The following FARP1 variants were observed in gnomAD, a reference collection of about 807,000 sequenced individuals.
FARP1 encodes FERM, ARH/RhoGEF and pleckstrin domain protein 1.
FARP1 carries 52 observed loss-of-function variants against 128.8 expected under a neutral mutation model. The ratio of observed to expected loss-of-function variants is 0.40; its 90% CI spans 0.32 to 0.51. The LOEUF (loss-of-function observed/expected upper bound fraction) is 0.51, where lower values mean the gene tolerates loss of function less well. Ranked by LOEUF, FARP1 falls within the 20% of genes least tolerant of loss-of-function variation. FARP1 has a pLI of 0.45. For missense variants in FARP1, 1,333 were observed against 1,367.9 expected, an observed-to-expected ratio of 0.97 and a Z score of 0.40; for synonymous variants, 580 against 551.8, an observed-to-expected ratio of 1.05 and a Z score of -0.72.
intron 1 of FARP1, among the ~76,000 whole-genome samples, chr13:98,152,299 C>T (rs1876071064): frequency 6.6e-6 from 1 of 152,206 alleles, no homozygotes; most frequent in Non-Finnish European, 1.5e-5. Flanking sequence ...CATACTCTCA[C>T]ACATTTGTTG....
chr13:98,362,919 G>A (rs916893287), intron 3 of FARP1, among the ~76,000 whole-genome samples: 2 of 152,164 alleles, frequency 1.3e-5, no homozygotes, highest in Non-Finnish European at 2.9e-5. Flanking sequence ...CATTCCACTG[G>A]TTGTTACGTC....
At chr13:98,268,417 C>T (rs748313769) in intron 2 of FARP1, among the ~76,000 whole-genome samples, 2 of 152,142 alleles carry the variant, frequency 1.3e-5, no homozygotes, top group Non-Finnish European at 2.9e-5. Context: ...CAGCAGAAAC[C>T]TCTTCCCACT....
At position 98,375,229 on chromosome 13, in the gene FARP1, C is replaced by A. The variant is rs1181812511; in HGVS notation, c.399-2592C>A. Among the ~76,000 whole-genome samples, 7 of 152,278 alleles carry A rather than the reference C, an allele frequency of 4.6e-5. No individual in the cohort carries two copies. In the East Asian group the frequency reaches 1.4e-3, roughly 29 times the overall value. On this transcript the variant is annotated intron_variant, in intron 5 of 26. Coordinates refer to ENST00000319562, the MANE Select transcript of FARP1 (RefSeq NM_005766.4). ...TGATTATTCTTTTGCCAGGTAAAGTCATATTTCCTTTGCCCTATGTGACTG... is the reference window on the plus strand; with the variant it reads ...TGATTATTCTTTTGCCAGGTAAAGTAATATTTCCTTTGCCCTATGTGACTG...
At chr13:98,165,714 T>G (rs962106684) in intron 1 of FARP1, among the ~76,000 whole-genome samples, 980 of 48,824 alleles carry the variant, frequency 0.02, 5 homozygotes, top group Non-Finnish European at 0.031. Flanking sequence ...GAAGGGGTTT[T>G]TTTTTTTTTT....
At chr13:98,333,661 G>C (rs1887614093) in intron 2 of FARP1, 1 of 152,268 alleles carries the variant, frequency 6.6e-6, no homozygotes, top group African/African-American at 2.4e-5. Context: ...TGAACGCTGG[G>C]ACTTATTGCT....
At chr13:98,155,343 CAAAAAAAAAAA>C (rs67425847) in intron 1 of FARP1, among the ~76,000 whole-genome samples, 2 of 64,552 alleles carry the variant, frequency 3.1e-5, no homozygotes, top group African/African-American at 1.3e-4. Context: ...AACTCTGTCT[CAAAAAAAAAAA>C]AAAAAAAAAA....
At chr13:98,216,990 T>C (rs1165715661) in intron 2 of FARP1, among the ~76,000 whole-genome samples, 1 of 152,228 alleles carries the variant, frequency 6.6e-6, no homozygotes, top group Non-Finnish European at 1.5e-5. Context: ...GAGTGACTCT[T>C]GGGCATCTGA....
intron 2 of FARP1, among the ~76,000 whole-genome samples, chr13:98,226,603 G>T (rs1881788158): frequency 6.6e-6 from 1 of 152,034 alleles, no homozygotes; most frequent in Non-Finnish European, 1.5e-5. Context: ...ACTTCTAGCT[G>T]TGTAACTCAT....
Position 98,176,763 on chromosome 13 carries a change from C to T in FARP1, c.-24+33271C>T. The T allele has an allele frequency of 6.2e-7, 1 of 1,613,992 alleles. No homozygotes were observed. Among genetic ancestry groups the T allele is most frequent in the Non-Finnish European group, 8.5e-7 (1 of 1,180,022 alleles). ...AGTTGCCCATGGACGTGTCCTTGGG[C>T]TTCAGGTACCTCAGGTAGCTGTGGA... is the stretch of plus-strand genomic sequence containing the variant. On this transcript the variant is annotated intron_variant, in intron 1 of 26. Transcript: ENST00000319562. The surrounding 1 kb of genome is among the most constrained non-coding windows in gnomAD (Gnocchi z 6.2).
At chr13:98,386,341 A>G (rs1422602921) in intron 8 of FARP1, among the ~76,000 whole-genome samples, 1 of 152,130 alleles carries the variant, frequency 6.6e-6, no homozygotes, top group African/African-American at 2.4e-5. Context: ...TTGTAGCAAA[A>G]CACATACTGC....
chr13:98,446,642 C>T, intron 25 of FARP1, 24 bp from the exon 26 acceptor site: 1 of 1,612,622 alleles, frequency 6.2e-7, no homozygotes, highest in Non-Finnish European at 8.5e-7. Flanking sequence ...CGAAAAGCCA[C>T]TTTGCTTTGT....
chr13:98,230,517 T>C (rs2139401377), intron 2 of FARP1, among the ~76,000 whole-genome samples: 1 of 152,328 alleles, frequency 6.6e-6, no homozygotes, highest in Non-Finnish European at 1.5e-5. Context: ...TAAGTGACTC[T>C]GGTTAATGTC....
chr13:98,447,513 G>GTAAT, intron 26 of FARP1: 1 of 152,480 alleles, frequency 6.6e-6, no homozygotes, highest in East Asian at 1.9e-4. Context: ...ACAAGGCCAG[G>GTAAT]TAATTTGGGG....
chr13:98,379,821 A>G (rs1043533174), intron 6 of FARP1, among the ~76,000 whole-genome samples: 1 of 152,092 alleles, frequency 6.6e-6, no homozygotes, highest in African/African-American at 2.4e-5. Flanking sequence ...TAGATGCAGT[A>G]TTTTTTCCTA....
intron 1 of FARP1, among the ~76,000 whole-genome samples, chr13:98,175,191 T>C (rs1267486244): frequency 6.6e-6 from 1 of 152,222 alleles, no homozygotes; most frequent in Non-Finnish European, 1.5e-5. Context: ...AAAGTTGATA[T>C]ATGAGATAGG....
chr13:98,179,979 C>T (rs560653571), intron 1 of FARP1, among the ~76,000 whole-genome samples: 3 of 152,154 alleles, frequency 2.0e-5, no homozygotes, highest in Non-Finnish European at 2.9e-5. Context: ...TAGATTCAGC[C>T]TCCACAGAAG....
At chr13:98,367,427 G>A (rs932385582) in intron 4 of FARP1, among the ~76,000 whole-genome samples, 1 of 152,018 alleles carries the variant, frequency 6.6e-6, no homozygotes, top group African/African-American at 2.4e-5. Flanking sequence ...GGCATGACAG[G>A]TGTGAGCCAC....
At chr13:98,159,465 A>C (rs1390418472) in intron 1 of FARP1, 1 of 148,984 alleles carries the variant, frequency 6.7e-6, no homozygotes, top group Non-Finnish European at 1.5e-5. Context: ...GATTTTTTTT[A>C]ATTGTGATTT....
intron 2 of FARP1, among the ~76,000 whole-genome samples, chr13:98,216,070 G>T (rs1166214031): frequency 1.3e-5 from 2 of 152,042 alleles, no homozygotes; most frequent in African/African-American, 4.8e-5. Flanking sequence ...ATTACAGGTG[G>T]GAGCCATCAC....
Sources: allele counts gnomAD v4.1 joint callset (sites outside exome capture counted in the v4.1 genomes callset), GRCh38; gene constraint gnomAD v4.1.1; non-coding constraint Gnocchi (gnomAD v3.1); transcripts MANE v1.5; gene names NCBI Gene and HGNC (gene_info 2026-07-23, HGNC 2026-07-21).